Variants in CFAP70 observed in about 807,000 individuals in gnomAD.
CFAP70 encodes cilia and flagella associated protein 70.
CFAP70 carries 81 observed loss-of-function variants against 137.6 expected under a neutral mutation model. The observed-to-expected ratio is 0.59, with a 90% CI of 0.49 to 0.71. CFAP70 has a LOEUF of 0.71. Among genes scored for constraint, CFAP70 ranks in the 30% least tolerant of loss-of-function variants. The probability of loss-of-function intolerance (pLI) is 0.00; values close to 1 mark genes in which losing one functional copy is unlikely to be tolerated. For synonymous variants in CFAP70, 382 were observed against 423.6 expected, an observed-to-expected ratio of 0.90 and a Z score of 1.20; for missense variants, 976 against 1,226.7, an observed-to-expected ratio of 0.80 and a Z score of 3.05.
intron 14 of CFAP70, 53 bp from the exon 16 acceptor site, chr10:73,297,226 G>C (rs2048610567): frequency 1.3e-6 from 2 of 1,567,196 alleles, no homozygotes; most frequent in Non-Finnish European, 1.7e-6. Flanking sequence ...ACCATGCTGA[G>C]AGCACGGGTC....
chr10:73,285,637 T>TC (rs1297148804), intron 19 of CFAP70, among the ~76,000 whole-genome samples: 7 of 143,920 alleles, frequency 4.9e-5, no homozygotes, highest in African/African-American at 1.3e-4. Context: ...TATATTTTCT[T>TC]TTTTTTTTTT....
At chr10:73,277,276 C>T in exon 21 of CFAP70, 1 of 1,614,022 alleles carries the variant, frequency 6.2e-7, no homozygotes, top group Non-Finnish European at 8.5e-7. Context: ...AATGTATGGT[C>T]TCCATGAAGA....
chr10:73,346,477 A>G (rs758173483), intron 4 of CFAP70, among the ~76,000 whole-genome samples: 3 of 151,868 alleles, frequency 2.0e-5, no homozygotes, highest in Non-Finnish European at 4.4e-5. Context: ...CTCTACTAAA[A>G]GAGAAAATGT....
upstream of CFAP70, among the ~76,000 whole-genome samples, chr10:73,359,405 C>A (rs891884210): frequency 3.3e-5 from 5 of 152,170 alleles, no homozygotes; most frequent in African/African-American, 1.2e-4. Context: ...GCCATACACA[C>A]AACACGGATG....
chr10:73,322,938 T>A (rs760258007), intron 9 of CFAP70, 25 bp downstream of exon 10: 1 of 1,569,398 alleles, frequency 6.4e-7, no homozygotes, highest in South Asian at 1.2e-5. Flanking sequence ...ATTACCATGA[T>A]GATTTTTATG....
intron 12 of CFAP70, among the ~76,000 whole-genome samples, chr10:73,308,426 C>T (rs1469897687): frequency 2.0e-5 from 3 of 151,900 alleles, no homozygotes; most frequent in South Asian, 2.1e-4. Context: ...GTCAGGAGTT[C>T]GAGACCAGCC....
intron 3 of CFAP70, among the ~76,000 whole-genome samples, chr10:73,351,059 G>C (rs1485907621): frequency 1.8e-5 from 1 of 54,338 alleles, no homozygotes; most frequent in Non-Finnish European, 3.0e-5. Flanking sequence ...GTGTGTGTGT[G>C]TGTGTGTGTG....
At chr10:73,296,241 C>T (rs890273157) in intron 15 of CFAP70, 1 of 152,162 alleles carries the variant, frequency 6.6e-6, no homozygotes, top group Non-Finnish European at 1.5e-5. Flanking sequence ...AAAGTCAAAA[C>T]TTCTTTTTCT....
chr10:73,351,067 G>GTA (rs1257762799), intron 3 of CFAP70, among the ~76,000 whole-genome samples: 139 of 63,990 alleles, frequency 2.2e-3, no homozygotes, highest in Non-Finnish European at 2.4e-3. Context: ...GTGTGTGTGT[G>GTA]TGTGTATATA....
chr10:73,263,302 G>A (rs766490443), intron 25 of CFAP70, among the ~76,000 whole-genome samples: 2 of 151,990 alleles, frequency 1.3e-5, no homozygotes, highest in South Asian at 2.1e-4. Context: ...TCACTATGTC[G>A]CCCAGGCTGT....
intron 3 of CFAP70, among the ~76,000 whole-genome samples, chr10:73,353,234 G>A (rs969205839): frequency 3.3e-5 from 5 of 152,122 alleles, no homozygotes; most frequent in Non-Finnish European, 7.3e-5. Flanking sequence ...CTTGTGATGG[G>A]GAGGTGATCT....
intron 6 of CFAP70, among the ~76,000 whole-genome samples, chr10:73,337,959 G>A (rs1316882744): frequency 1.3e-5 from 2 of 152,052 alleles, no homozygotes; most frequent in East Asian, 1.9e-4. Flanking sequence ...TTATGCTGAT[G>A]TCTGAAGATA....
chr10:73,324,046 G>A (rs1396365846), intron 8 of CFAP70, among the ~76,000 whole-genome samples: 1 of 152,196 alleles, frequency 6.6e-6, no homozygotes, highest in East Asian at 1.9e-4. Context: ...GTGGGTCCCT[G>A]ACCCCTGACC....
At chr10:73,333,424 G>C (rs2052325888) in intron 7 of CFAP70, among the ~76,000 whole-genome samples, 3 of 151,656 alleles carry the variant, frequency 2.0e-5, no homozygotes, top group Admixed American at 2.0e-4. Context: ...AGAATACCAA[G>C]CAGAATAAGG....
intron 25 of CFAP70, among the ~76,000 whole-genome samples, chr10:73,266,486 T>C (rs763828157): frequency 2.0e-5 from 3 of 152,164 alleles, no homozygotes; most frequent in Admixed American, 6.5e-5. Flanking sequence ...ATTGCCTTAA[T>C]GGAACCTCCA....
intron 9 of CFAP70, among the ~76,000 whole-genome samples, chr10:73,313,856 A>C (rs938620174): frequency 6.6e-6 from 1 of 152,310 alleles, no homozygotes; most frequent in East Asian, 1.9e-4. Context: ...AAGGAAAAAA[A>C]ATTAAAATTA....
At chr10:73,319,178 A>T (rs1320621188) in intron 9 of CFAP70, among the ~76,000 whole-genome samples, 2 of 152,212 alleles carry the variant, frequency 1.3e-5, no homozygotes, top group Admixed American at 6.5e-5. Context: ...ATAACGTCTT[A>T]ATATATGTCC....
intron 7 of CFAP70, among the ~76,000 whole-genome samples, chr10:73,333,714 G>A (rs1243871398): frequency 1.3e-5 from 2 of 152,154 alleles, no homozygotes; most frequent in Non-Finnish European, 2.9e-5. Context: ...AAAATGAGAG[G>A]AGTTTCTGGC....
At chr10:73,358,301 T>C (rs74455348) in intron 1 of CFAP70, among the ~76,000 whole-genome samples, 6,382 of 152,242 alleles carry the variant, frequency 0.042, 384 homozygotes, top group African/African-American at 0.13. Context: ...AAAGTTATAG[T>C]CAGGGCAGCT....
Sources: allele counts gnomAD v4.1 joint callset (sites outside exome capture counted in the v4.1 genomes callset), GRCh38; gene constraint gnomAD v4.1.1; transcripts MANE v1.5; gene names NCBI Gene and HGNC (gene_info 2026-07-23, HGNC 2026-07-21).